Variants in GALNTL6 observed in about 807,000 individuals in gnomAD.
GALNTL6 encodes the protein polypeptide N-acetylgalactosaminyltransferase like 6, also known as polypeptide N-acetylgalactosaminyltransferase-like 6.
A neutral mutation model predicts 73.7 loss-of-function variants in GALNTL6; 46 were observed. The observed-to-expected ratio is 0.62, with a 90% CI of 0.49 to 0.80. The LOEUF (loss-of-function observed/expected upper bound fraction) is 0.80, where lower values mean the gene tolerates loss of function less well. Among genes scored for constraint, GALNTL6 ranks in the 30% least tolerant of loss-of-function variants. The pLI, the probability that GALNTL6 is intolerant of heterozygous loss-of-function variation, is 0.00. For synonymous variants in GALNTL6, 259 were observed against 263.7 expected, an observed-to-expected ratio of 0.98 and a Z score of 0.17; for missense variants, 604 against 755.0, an observed-to-expected ratio of 0.80 and a Z score of 2.34.
chr4:172,705,199 G>A (rs1734259954), intron 5 of GALNTL6, among the ~76,000 whole-genome samples: 1 of 139,508 alleles, frequency 7.2e-6, no homozygotes, highest in South Asian at 2.2e-4. Context: ...AATAGGTAAG[G>A]ACTTACTACT....
At chr4:172,745,236 A>G (rs143383287) in intron 5 of GALNTL6, among the ~76,000 whole-genome samples, 20 of 152,006 alleles carry the variant, frequency 1.3e-4, no homozygotes, top group African/African-American at 4.3e-4. Flanking sequence ...TAAAGAGGAT[A>G]TGGTAAGAGG....
In GALNTL6 at chr4:172,761,665, CTCTT is replaced by C. The variant is rs1185980199; in HGVS notation, c.554-47692_554-47689del. 4.1e-4 allele frequency among the ~76,000 whole-genome samples: 43 copies of C among 104,236 alleles called. 1 individual carries two copies. The highest frequency in any genetic ancestry group is 4.4e-3 in the Middle Eastern group (1 of 228). 68.4% of individuals were successfully genotyped at this position (104,236 alleles called of 152,430 possible). On this transcript the variant is annotated intron_variant, in intron 5 of 12. Coordinates refer to ENST00000506823, the MANE Select transcript of GALNTL6 (RefSeq NM_001034845.3). ...AAAGTGTGAGAGCTTCGCCCTTGCT[CTCTT>C]TCTCTCTCTCTCTCTCTCTCTCTCT...
intron 12 of GALNTL6, among the ~76,000 whole-genome samples, chr4:173,033,320 A>T (rs993206295): frequency 6.7e-6 from 1 of 150,060 alleles, no homozygotes; most frequent in Admixed American, 6.7e-5. Flanking sequence ...ATTATTTCTG[A>T]TTGGCCAAAT....
intron 9 of GALNTL6, among the ~76,000 whole-genome samples, chr4:172,940,384 A>G (rs1748854702): frequency 6.6e-6 from 1 of 151,624 alleles, no homozygotes; most frequent in East Asian, 1.9e-4. Context: ...TTTTTTTGAA[A>G]TGGAGTCCCA....
chr4:172,752,815 G>C (rs12510844), intron 5 of GALNTL6, among the ~76,000 whole-genome samples: 14,539 of 152,028 alleles, frequency 0.096, 894 homozygotes, highest in East Asian at 0.21. Context: ...TATGAAATAA[G>C]AAAATACTTG....
chr4:171,971,392 CTGT>C (rs1355674293), intron 2 of GALNTL6, among the ~76,000 whole-genome samples: 1 of 152,128 alleles, frequency 6.6e-6, no homozygotes, highest in Non-Finnish European at 1.5e-5. Context: ...AAATTTCTAG[CTGT>C]TGTTTCGTTT....
At chr4:172,420,620 C>T (rs746391788) in intron 5 of GALNTL6, among the ~76,000 whole-genome samples, 6 of 152,008 alleles carry the variant, frequency 3.9e-5, no homozygotes, top group Non-Finnish European at 8.8e-5. Context: ...ACATCCAAAA[C>T]GGCTCAGATT....
chr4:172,694,379 G>C (rs531246789), intron 5 of GALNTL6, among the ~76,000 whole-genome samples: 102 of 152,204 alleles, frequency 6.7e-4, no homozygotes, highest in African/African-American at 2.3e-3. Flanking sequence ...CCACTTATGA[G>C]TGAGAACATG....
At chr4:172,305,331 G>A (rs1363875852) in intron 3 of GALNTL6, among the ~76,000 whole-genome samples, 3 of 152,074 alleles carry the variant, frequency 2.0e-5, no homozygotes, top group African/African-American at 7.2e-5. Flanking sequence ...CAATTTTTCT[G>A]CTTAATACTT....
intron 5 of GALNTL6, among the ~76,000 whole-genome samples, chr4:172,687,674 C>CGGA (rs1733011878): frequency 6.6e-6 from 1 of 150,918 alleles, no homozygotes; most frequent in Non-Finnish European, 1.5e-5. Flanking sequence ...CCTTTCCTTT[C>CGGA]ATGATTTCTC....
At chr4:172,134,539 T>C (rs1733587195) in intron 2 of GALNTL6, among the ~76,000 whole-genome samples, 1 of 151,868 alleles carries the variant, frequency 6.6e-6, no homozygotes, top group Non-Finnish European at 1.5e-5. Flanking sequence ...TAGAAGAGGG[T>C]ATTTTATAAC....
At position 171,950,482 on chromosome 4, in the gene GALNTL6, C is replaced by CTTT. The variant is rs149650644; in HGVS notation, c.138+135778_138+135780dup. On this transcript the variant is annotated intron_variant, in intron 2 of 12. Coordinates refer to ENST00000506823, the MANE Select transcript of GALNTL6 (RefSeq NM_001034845.3). Reference sequence around the variant, plus strand: ...TGAGCAAAGTAAAATCTTTTCTTTTCTTTTTTTTTTTTTTTTGAGATGAAG... The same window carrying CTTT: ...TGAGCAAAGTAAAATCTTTTCTTTTCTTTTTTTTTTTTTTTTTTTGAGATGAAG... Among the ~76,000 whole-genome samples, 7 of 141,438 alleles carry CTTT rather than the reference C, an allele frequency of 4.9e-5. 1 individual carries two copies. The highest frequency in any genetic ancestry group is 2.2e-4 in the South Asian group (1 of 4,466). 92.8% of individuals were successfully genotyped at this position (141,438 alleles called of 152,430 possible).
chr4:171,893,094 T>C (rs1736809325), intron 2 of GALNTL6, among the ~76,000 whole-genome samples: 2 of 152,282 alleles, frequency 1.3e-5, no homozygotes, highest in East Asian at 3.9e-4. Flanking sequence ...AAATGGATAA[T>C]GTGCGGTTTA....
intron 7 of GALNTL6, among the ~76,000 whole-genome samples, chr4:172,856,286 C>G (rs567383372): frequency 9.4e-4 from 143 of 152,184 alleles, no homozygotes; most frequent in Admixed American, 2.4e-3. Context: ...AAGCACAAGT[C>G]AAATCAGAAT....
In GALNTL6 at chr4:172,377,428, A is replaced by G. The variant is rs545265397; in HGVS notation, c.553+28739A>G. On this transcript the variant is annotated intron_variant, in intron 5 of 12. Transcript: ENST00000506823. ...GTTCACAATCCTTTAGCTAGACATA[A>G]AAGTTCTCCAAGTCCCCACCTGACT... 3.3e-5 allele frequency among the ~76,000 whole-genome samples: 5 copies of G among 152,300 alleles called. No homozygotes were observed. The East Asian group carries it at 9.7e-4, about 30-fold the overall frequency.
intron 2 of GALNTL6, among the ~76,000 whole-genome samples, chr4:172,022,111 T>C (rs1271564396): frequency 6.6e-6 from 1 of 152,014 alleles, no homozygotes; most frequent in African/African-American, 2.4e-5. Flanking sequence ...AAAAAGCTTC[T>C]GAACAAGCAA....
intron 5 of GALNTL6, among the ~76,000 whole-genome samples, chr4:172,577,793 A>T (rs186583511): frequency 6.6e-6 from 1 of 152,336 alleles, no homozygotes; most frequent in East Asian, 1.9e-4. Flanking sequence ...GATTTCACCC[A>T]GATGGCCAGC....
chr4:172,584,716 C>T (rs1360791273), intron 5 of GALNTL6, among the ~76,000 whole-genome samples: 3 of 152,118 alleles, frequency 2.0e-5, no homozygotes, highest in Non-Finnish European at 4.4e-5. Context: ...CAGTTTTGAA[C>T]TAATTAAGAT....
chr4:172,776,666 G>A (rs573748684), intron 5 of GALNTL6, among the ~76,000 whole-genome samples: 10 of 152,240 alleles, frequency 6.6e-5, no homozygotes, highest in East Asian at 5.8e-4. Flanking sequence ...CATACACAGA[G>A]GAATGCAGAA....
Sources: gnomAD v4.1 joint callset for allele counts (sites outside exome capture counted in the v4.1 genomes callset) on GRCh38, gnomAD v4.1.1 for gene constraint, MANE v1.5 for transcripts, NCBI Gene and HGNC (gene_info 2026-07-23, HGNC 2026-07-21) for gene names.